Variants in TCF12 observed in about 807,000 individuals in gnomAD.
The protein encoded by TCF12 is transcription factor 12.
In TCF12, 45 loss-of-function variants were observed where a neutral mutation model predicts 86.0. The ratio of observed to expected loss-of-function variants is 0.52; its 90% CI spans 0.41 to 0.67. The LOEUF (loss-of-function observed/expected upper bound fraction) is 0.67. TCF12 is among the 30% of genes least tolerant of loss of function. The probability of loss-of-function intolerance (pLI) is 0.00; values close to 1 mark genes in which losing one functional copy is unlikely to be tolerated. For missense variants in TCF12, 881 were observed against 859.9 expected, an observed-to-expected ratio of 1.02 and a Z score of -0.31; for synonymous variants, 330 against 299.6, an observed-to-expected ratio of 1.10 and a Z score of -1.05.
intron 3 of TCF12, among the ~76,000 whole-genome samples, chr15:56,939,816 T>C (rs767569005): frequency 2.0e-5 from 3 of 152,170 alleles, no homozygotes; most frequent in Non-Finnish European, 4.4e-5. Flanking sequence ...TTGAGAATGT[T>C]CCCTTGTGTT....
intron 3 of TCF12, among the ~76,000 whole-genome samples, chr15:56,967,580 T>G (rs1477684670): frequency 5.3e-5 from 8 of 152,344 alleles, no homozygotes; most frequent in South Asian, 2.1e-4. Context: ...TGTACTTCTT[T>G]CCTTGCTCTT....
rs1335006183 is a variant in TCF12, at chr15:57,286,878, C to T, written c.*733C>T. 13 of 346,162 alleles carry T rather than the reference C, an allele frequency of 3.8e-5. No individual in the cohort carries two copies. Among genetic ancestry groups the T allele is most frequent in the Non-Finnish European group, 6.2e-5 (11 of 176,844 alleles). The allele number at this position is 346,162 out of a possible 1,614,324, so 21.4% of individuals were successfully genotyped here. ...TTTATGGTCACAGTCCAGCCTCCTC[C>T]GTGCAGCCCTGTGTGCTTTGCACAT... is the stretch of plus-strand genomic sequence containing the variant. On this transcript the variant is annotated 3_prime_UTR_variant, in exon 21 of 21. Transcript: ENST00000333725.
chr15:57,266,396 T>C (rs996438386), intron 18 of TCF12, among the ~76,000 whole-genome samples: 3 of 152,140 alleles, frequency 2.0e-5, no homozygotes, highest in Admixed American at 2.0e-4. Context: ...TTTTTATGTT[T>C]TATTAGAACA....
In TCF12 at chr15:57,160,833, C is replaced by T. The variant is rs544488003; in HGVS notation, c.326-5569C>T. Among the ~76,000 whole-genome samples, 111 of 152,084 alleles carry T rather than the reference C, an allele frequency of 7.3e-4. 2 individuals are homozygous for T. In the South Asian group the frequency reaches 0.022, roughly 30 times the overall value. ...TCAGTCTCCTGTGACTACAGGTATG[C>T]ACCACCATGCCCAGCTAAGTTTTTT... On this transcript the variant is annotated intron_variant, in intron 5 of 20. Transcript: ENST00000333725.
chr15:56,922,864 C>T (rs1397388789), intron 3 of TCF12, among the ~76,000 whole-genome samples: 1 of 151,616 alleles, frequency 6.6e-6, no homozygotes, highest in Non-Finnish European at 1.5e-5. Context: ...GTGGCCAGTT[C>T]TTAAAGGGAA....
intron 16 of TCF12, among the ~76,000 whole-genome samples, chr15:57,256,483 A>G (rs531955946): frequency 2.4e-4 from 36 of 152,260 alleles, no homozygotes; most frequent in African/African-American, 7.7e-4. Context: ...TGTCACAACA[A>G]TACATCCTCC....
chr15:56,927,531 A>C (rs2060068178), intron 3 of TCF12, among the ~76,000 whole-genome samples: 1 of 152,204 alleles, frequency 6.6e-6, no homozygotes, highest in African/African-American at 2.4e-5. Context: ...AAATAGTTGC[A>C]TGCTCTTAAA....
intron 3 of TCF12, among the ~76,000 whole-genome samples, chr15:56,928,979 A>C (rs2060132712): frequency 1.3e-5 from 2 of 152,202 alleles, no homozygotes; most frequent in Admixed American, 6.5e-5. Context: ...CTGAAGCAGC[A>C]CGTTGCAAGT....
At chr15:57,109,663 G>A (rs1280211213) in intron 5 of TCF12, among the ~76,000 whole-genome samples, 2 of 152,106 alleles carry the variant, frequency 1.3e-5, no homozygotes, top group African/African-American at 4.8e-5. Context: ...TTAGGTTTTT[G>A]TTGAGATGGA....
At chr15:57,242,866 T>C (rs2059695066) in intron 12 of TCF12, among the ~76,000 whole-genome samples, 1 of 152,244 alleles carries the variant, frequency 6.6e-6, no homozygotes, top group African/African-American at 2.4e-5. Flanking sequence ...GAAACAGTTT[T>C]TGAAGCATAA....
At chr15:57,265,321 T>C (rs1188785021) in intron 18 of TCF12, among the ~76,000 whole-genome samples, 1 of 152,028 alleles carries the variant, frequency 6.6e-6, no homozygotes, top group East Asian at 1.9e-4. Flanking sequence ...TCCGGTTTCT[T>C]CCTTCACCCC....
intron 3 of TCF12, among the ~76,000 whole-genome samples, chr15:56,952,017 T>A (rs1171666918): frequency 6.6e-6 from 1 of 152,138 alleles, no homozygotes; most frequent in African/African-American, 2.4e-5. Flanking sequence ...AATTTTGTAA[T>A]ATGGTGTGAC....
intron 4 of TCF12, among the ~76,000 whole-genome samples, chr15:57,073,546 T>C (rs1232372766): frequency 1.3e-5 from 2 of 152,220 alleles, no homozygotes; most frequent in African/African-American, 4.8e-5. Flanking sequence ...TAAAATCTTC[T>C]CCATTTTAGA....
At chr15:57,053,350 C>G (rs1486069160) in intron 3 of TCF12, among the ~76,000 whole-genome samples, 1 of 152,002 alleles carries the variant, frequency 6.6e-6, no homozygotes, top group East Asian at 1.9e-4. Context: ...GTAGGGGTTT[C>G]TTATGTATGT....
intron 5 of TCF12, among the ~76,000 whole-genome samples, chr15:57,103,935 G>A (rs1424194549): frequency 6.6e-6 from 1 of 152,132 alleles, no homozygotes; most frequent in Non-Finnish European, 1.5e-5. Flanking sequence ...TTGAACCCGG[G>A]AGGTGGAGGT....
intron 4 of TCF12, among the ~76,000 whole-genome samples, chr15:57,075,800 T>TCTCTCTCTCTCTCTCTCTCTC (rs1567370475): frequency 9.8e-5 from 2 of 20,508 alleles, no homozygotes; most frequent in Admixed American, 6.2e-4. Context: ...CTTTCTTTCT[T>TCTCTCTCTCTCTCTCTCTCTC]TCTTTCTCTC....
At chr15:57,165,651 C>T (rs1354892866) in intron 5 of TCF12, among the ~76,000 whole-genome samples, 3 of 152,076 alleles carry the variant, frequency 2.0e-5, no homozygotes, top group Non-Finnish European at 4.4e-5. Context: ...ATTCTCCTGC[C>T]TCAGCCTCCT....
intron 8 of TCF12, among the ~76,000 whole-genome samples, chr15:57,209,078 C>G (rs1236135886): frequency 6.6e-6 from 1 of 152,052 alleles, no homozygotes; most frequent in Non-Finnish European, 1.5e-5. Context: ...TTAGGAAATG[C>G]TTTTTGAATT....
chr15:57,219,620 C>T (rs766376936), intron 8 of TCF12: 48 of 1,603,646 alleles, frequency 3.0e-5, no homozygotes, highest in Non-Finnish European at 4.0e-5. Context: ...TAGCTTCTAA[C>T]TCACTTGTTT....
Sources: gnomAD v4.1 joint callset for allele counts (sites outside exome capture counted in the v4.1 genomes callset) on GRCh38, gnomAD v4.1.1 for gene constraint, MANE v1.5 for transcripts, NCBI Gene and HGNC (gene_info 2026-07-23, HGNC 2026-07-21) for gene names.